The following LIPA variants were observed in gnomAD, a reference collection of about 807,000 sequenced individuals.
LIPA encodes the protein lipase A, lysosomal acid type, also known as lysosomal acid lipase/cholesteryl ester hydrolase.
Under a neutral mutation model 40.6 loss-of-function variants are expected in LIPA, and 26 were observed. The observed-to-expected ratio is 0.64, with a 90% CI of 0.47 to 0.89. The LOEUF is 0.89. Among genes scored for constraint, LIPA ranks in the 40% least tolerant of loss-of-function variants. The pLI is 0.00. For missense variants in LIPA, 455 were observed against 479.6 expected (o/e 0.95, Z 0.48); for synonymous variants, 188 against 168.4 (o/e 1.12, Z -0.90).
At chr10:89,323,608 T>C (rs1362359124) in intron 1 of LIPA, among the ~76,000 whole-genome samples, 1 of 151,996 alleles carries the variant, frequency 6.6e-6, no homozygotes, top group Admixed American at 6.6e-5. Context: ...AAAATCAACA[T>C]ACAAAAATGA....
intron 1 of LIPA, chr10:89,314,649 A>G (rs1444684706): frequency 6.6e-6 from 1 of 152,246 alleles, no homozygotes; most frequent in Admixed American, 6.5e-5. Context: ...GCCTGGCTAC[A>G]GAGCGAGACT....
At chr10:89,316,835 T>C (rs1022247351) in intron 1 of LIPA, among the ~76,000 whole-genome samples, 1 of 152,226 alleles carries the variant, frequency 6.6e-6, no homozygotes, top group African/African-American at 2.4e-5. Flanking sequence ...CAGTAGGGGC[T>C]GACTGACACC....
At chr10:89,217,699 G>A (rs1243911300) in intron 8 of LIPA, among the ~76,000 whole-genome samples, 1 of 152,184 alleles carries the variant, frequency 6.6e-6, no homozygotes, top group South Asian at 2.1e-4. Flanking sequence ...CTGGAAATAA[G>A]CTAAAGCCCA....
At chr10:89,249,582 AT>A (rs1217579226) in intron 1 of LIPA, among the ~76,000 whole-genome samples, 5 of 152,230 alleles carry the variant, frequency 3.3e-5, no homozygotes, top group Admixed American at 2.0e-4. Context: ...ACACAAAAAA[AT>A]ATAGATTAAT....
At chr10:89,306,644 G>T in intron 1 of LIPA, 1 of 1,614,132 alleles carries the variant, frequency 6.2e-7, no homozygotes, top group Non-Finnish European at 8.5e-7. Context: ...TGAAGAGGAA[G>T]GTGAAGGAGA....
At chr10:89,350,315 C>CTTTTTTTTTT (rs71471123) in intron 2 of LIPA, among the ~76,000 whole-genome samples, 54 of 148,448 alleles carry the variant, frequency 3.6e-4, no homozygotes, top group South Asian at 2.5e-3. Context: ...GTGAAGTTAC[C>CTTTTTTTTTT]TTTTTTTTTA....
Position 89,376,181 on chromosome 10 carries a change from C to G in LIPA, c.61+36610G>C, listed in dbSNP as rs556388274. ...CCAGCCTAGGTGATACAGCGAGACT[C>G]TATCTTAAAAAAAAAAAAAAAAAAA... On this transcript the variant is annotated intron_variant, in intron 2 of 8. Coordinates refer to the LIPA transcript ENST00000371837. Among the ~76,000 whole-genome samples, 4 of 84,360 alleles carry G rather than the reference C, an allele frequency of 4.7e-5. No homozygotes were observed. The East Asian group carries it at 1.5e-3, about 31-fold the overall frequency. 55.3% of individuals were successfully genotyped at this position (84,360 alleles called of 152,430 possible).
At chr10:89,361,305 C>CATGCCTGA (rs1404075085) in intron 2 of LIPA, among the ~76,000 whole-genome samples, 1 of 152,158 alleles carries the variant, frequency 6.6e-6, no homozygotes, top group Non-Finnish European at 1.5e-5. Context: ...AGGAGAAGAC[C>CATGCCTGA]ATGCCTGACA....
chr10:89,245,911 T>C, intron 2 of LIPA, 118 bp from the exon 3 acceptor site: 3 of 746,192 alleles, frequency 4.0e-6, no homozygotes, highest in Non-Finnish European at 7.4e-6. Context: ...CATTTGTCAT[T>C]GAAATTTTAG....
intron 1 of LIPA, among the ~76,000 whole-genome samples, chr10:89,257,390 A>G (rs989036317): frequency 6.6e-6 from 1 of 152,182 alleles, no homozygotes; most frequent in African/African-American, 2.4e-5. Context: ...ATATATGAAC[A>G]TGTGTGTTTG....
intron 1 of LIPA, among the ~76,000 whole-genome samples, chr10:89,323,607 A>G (rs1471240588): frequency 6.6e-6 from 1 of 152,176 alleles, no homozygotes; most frequent in Non-Finnish European, 1.5e-5. Flanking sequence ...CAAAATCAAC[A>G]TACAAAAATG....
At chr10:89,388,442 G>A (rs755735328) in intron 2 of LIPA, among the ~76,000 whole-genome samples, 23 of 152,146 alleles carry the variant, frequency 1.5e-4, no homozygotes, top group Non-Finnish European at 3.2e-4. Context: ...CACCATTCTG[G>A]AGGTGTTTTG....
chr10:89,267,598 A>C (rs1274647631), intron 1 of LIPA, among the ~76,000 whole-genome samples: 1 of 38,464 alleles, frequency 2.6e-5, no homozygotes, highest in Non-Finnish European at 4.9e-5. Flanking sequence ...GGGAGGGGGG[A>C]GGGGTAGCAT....
At chr10:89,317,464 T>C (rs889627451) in intron 1 of LIPA, among the ~76,000 whole-genome samples, 1 of 152,170 alleles carries the variant, frequency 6.6e-6, no homozygotes, top group Admixed American at 6.5e-5. Context: ...AGAAAGGGTA[T>C]TAGTGATTGA....
intron 1 of LIPA, among the ~76,000 whole-genome samples, chr10:89,295,320 A>C (rs573702146): frequency 2.0e-5 from 3 of 152,366 alleles, no homozygotes; most frequent in African/African-American, 7.2e-5. Flanking sequence ...TTCTAGGTGG[A>C]CAAAACTTCA....
chr10:89,291,984 C>G (rs1843377524), intron 1 of LIPA: 1 of 152,130 alleles, frequency 6.6e-6, no homozygotes, highest in Non-Finnish European at 1.5e-5. Flanking sequence ...TCTCAATTTC[C>G]AGGCTCTAGG....
intron 1 of LIPA, among the ~76,000 whole-genome samples, chr10:89,260,620 A>T (rs1372731121): frequency 6.6e-6 from 1 of 152,172 alleles, no homozygotes; most frequent in Non-Finnish European, 1.5e-5. Context: ...ATTCTGGTAC[A>T]TGGGGCCTCA....
chr10:89,320,065 T>C (rs1345905398), intron 1 of LIPA, among the ~76,000 whole-genome samples: 2 of 152,146 alleles, frequency 1.3e-5, no homozygotes, highest in Non-Finnish European at 2.9e-5. Context: ...ATGGGACATA[T>C]CTCAAAATAA....
At chr10:89,379,728 C>A (rs563643093) in intron 2 of LIPA, among the ~76,000 whole-genome samples, 2 of 152,162 alleles carry the variant, frequency 1.3e-5, no homozygotes, top group African/African-American at 4.8e-5. Flanking sequence ...ATATAACGGG[C>A]TCCTGGTCAT....
Sources: allele counts gnomAD v4.1 joint callset (sites outside exome capture counted in the v4.1 genomes callset), GRCh38; gene constraint gnomAD v4.1.1; transcripts MANE v1.5; gene names NCBI Gene and HGNC (gene_info 2026-07-23, HGNC 2026-07-21).